The following C9orf72 variants were observed in gnomAD, a reference collection of about 807,000 sequenced individuals.
C9orf72 encodes the protein guanine nucleotide exchange factor C9orf72.
In C9orf72, 44 loss-of-function variants were observed where a neutral mutation model predicts 51.6. The observed-to-expected ratio is 0.85, with a 90% confidence interval of 0.67 to 1.10. The LOEUF is 1.10. C9orf72 is among the 50% of genes least tolerant of loss of function. The probability of loss-of-function intolerance (pLI) is 0.00; values close to 1 mark genes in which losing one functional copy is unlikely to be tolerated. For synonymous variants in C9orf72, 213 were observed against 194.2 expected, an observed-to-expected ratio of 1.10 and a Z score of -0.81; for missense variants, 607 against 570.6, an observed-to-expected ratio of 1.06 and a Z score of -0.65.
At chr9:27,558,827 T>G (rs529118071) in intron 6 of C9orf72, 1 of 422,404 alleles carries the variant, frequency 2.4e-6, no homozygotes, top group African/African-American at 2.1e-5. Context: ...ATTTACTGTA[T>G]GGCATCTCAA....
intron 6 of C9orf72, chr9:27,559,179 C>G (rs1819279481): frequency 6.6e-6 from 1 of 151,378 alleles, no homozygotes; most frequent in Non-Finnish European, 1.5e-5. Context: ...GGTTTTCAAC[C>G]TAGAGTGGTG....
At chr9:27,549,126 G>C (rs560239231) in intron 9 of C9orf72, among the ~76,000 whole-genome samples, 1 of 152,328 alleles carries the variant, frequency 6.6e-6, no homozygotes, top group African/African-American at 2.4e-5. Context: ...ACAGGCATAA[G>C]CCACCAGGCC....
chr9:27,550,170 T>C (rs10120735), intron 9 of C9orf72, among the ~76,000 whole-genome samples: 6,764 of 150,674 alleles, frequency 0.045, 310 homozygotes, highest in African/African-American at 0.12. Flanking sequence ...TATGTATATA[T>C]GCTCGTACTA....
At chr9:27,563,529 G>A (rs1819398920) in intron 3 of C9orf72, among the ~76,000 whole-genome samples, 1 of 152,052 alleles carries the variant, frequency 6.6e-6, no homozygotes, top group South Asian at 2.1e-4. Flanking sequence ...AATACTAGTT[G>A]TTTTTCCTCA....
At chr9:27,558,470 T>A (rs747230783) in intron 7 of C9orf72, 21 bp downstream of exon 7, 1 of 1,313,550 alleles carries the variant, frequency 7.6e-7, no homozygotes, top group Non-Finnish European at 1.1e-6. Context: ...TGGTTTCACT[T>A]GTGATAACTA....
At chr9:27,562,584 T>C in intron 3 of C9orf72, 108 bp from the exon 4 acceptor site, 1 of 496,520 alleles carries the variant, frequency 2.0e-6, no homozygotes. Flanking sequence ...ATGAAAATAC[T>C]TCGTAATTTG....
intron 1 of C9orf72, among the ~76,000 whole-genome samples, chr9:27,572,449 T>C (rs1281807832): frequency 6.7e-6 from 1 of 149,390 alleles, no homozygotes; most frequent in Non-Finnish European, 1.5e-5. Flanking sequence ...AGAAAAATCA[T>C]ATCTTAACAG....
chr9:27,559,301 G>A (rs1329733333), intron 6 of C9orf72: 1 of 150,822 alleles, frequency 6.6e-6, no homozygotes, highest in Non-Finnish European at 1.5e-5. Context: ...CAACTATGGA[G>A]CCTTTCTCCC....
At chr9:27,564,208 C>G (rs1229952131) in intron 3 of C9orf72, among the ~76,000 whole-genome samples, 1 of 147,050 alleles carries the variant, frequency 6.8e-6, no homozygotes, top group Non-Finnish European at 1.5e-5. Context: ...AGAAGAGGCT[C>G]TAAAAGAAAA....
At position 27,565,608 on chromosome 9, in the gene C9orf72, T is replaced by A; in HGVS notation, c.445-18A>T. 1.3e-6 allele frequency: 2 copies of A among 1,545,458 alleles called. No individual in the cohort carries two copies. Among genetic ancestry groups the A allele is most frequent in the African/African-American group, 1.4e-5 (1 of 73,552 alleles). On this transcript the variant is annotated intron_variant, in intron 2 of 10. Transcript: ENST00000380003. ...TGTCTTTCCTGAGCAAGAGAAAATT[T>A]ATTTAAAAAAACAACCCACAACATT...
At chr9:27,571,866 T>C (rs1180898828) in intron 1 of C9orf72, among the ~76,000 whole-genome samples, 1 of 152,222 alleles carries the variant, frequency 6.6e-6, no homozygotes, top group Non-Finnish European at 1.5e-5. Flanking sequence ...TCAAGGACAG[T>C]GAACTGTTTA....
intron 3 of C9orf72, among the ~76,000 whole-genome samples, chr9:27,563,517 T>G (rs1297264071): frequency 1.3e-5 from 2 of 152,204 alleles, no homozygotes; most frequent in Non-Finnish European, 2.9e-5. Context: ...TAAGATGAAT[T>G]TAATACTAGT....
At chr9:27,555,538 T>C (rs1246070869) in intron 8 of C9orf72, among the ~76,000 whole-genome samples, 1 of 150,776 alleles carries the variant, frequency 6.6e-6, no homozygotes, top group Non-Finnish European at 1.5e-5. Context: ...ACCTTCTATG[T>C]GCCAGGCATT....
At chr9:27,572,970 G>A (rs1256147493) in intron 1 of C9orf72, among the ~76,000 whole-genome samples, 1 of 152,146 alleles carries the variant, frequency 6.6e-6, no homozygotes, top group Non-Finnish European at 1.5e-5. Flanking sequence ...ATCTCATCCC[G>A]CATGATCTCC....
At chr9:27,560,422 G>T in intron 5 of C9orf72, 123 bp from the exon 6 acceptor site, 1 of 691,612 alleles carries the variant, frequency 1.4e-6, no homozygotes, top group Non-Finnish European at 2.3e-6. Context: ...AAACACCGAA[G>T]CTATAAGCAC....
At position 27,547,603 on chromosome 9, in the gene C9orf72, G is replaced by C. The variant is rs1043677102; in HGVS notation, c.*633C>G. The C allele has an allele frequency of 6.6e-6, 1 of 152,564 alleles. No individual in the cohort carries two copies. Among genetic ancestry groups the C allele is most frequent in the African/African-American group, 2.4e-5 (1 of 41,454 alleles). The allele number at this position is 152,564 out of a possible 1,614,324, so 9.5% of individuals were successfully genotyped here. On this transcript the variant is annotated 3_prime_UTR_variant, in exon 11 of 11. Transcript: ENST00000380003. ...AAATAAACAAAACACCCTAACTGTG[G>C]TTCACCAGGAACAAGGACTATAGAG...
chr9:27,560,631 G>A (rs1819320424), intron 5 of C9orf72: 3 of 1,013,572 alleles, frequency 3.0e-6, no homozygotes, highest in South Asian at 3.8e-5. Context: ...AGTCAAATGG[G>A]ATTTAAAATG....
chr9:27,563,980 T>C lies in C9orf72; in HGVS notation c.505-1504A>G, dbSNP rs1014862179. Reference sequence around the variant, plus strand: ...CATCCCCAAACAGTATTGTTCAAAATAAAGTCGTTGTGAGATTTGCAAGAA... The same window carrying C: ...CATCCCCAAACAGTATTGTTCAAAACAAAGTCGTTGTGAGATTTGCAAGAA... On this transcript the variant is annotated intron_variant, in intron 3 of 10. Transcript: ENST00000380003. Among the ~76,000 whole-genome samples the C allele has an allele frequency of 4.6e-5, 7 of 152,156 alleles. No individual in the cohort carries two copies. The South Asian group carries it at 1.0e-3, about 23-fold the overall frequency.
rs1820787355 is a variant in C9orf72 at position 27,547,274 on chromosome 9, T to G, written c.*962A>C. 6.6e-6 allele frequency: 1 copy of G among 152,652 alleles called. No individual in the cohort carries two copies. Among genetic ancestry groups the G allele is most frequent in the South Asian group, 2.1e-4 (1 of 4,838 alleles). The allele number at this position is 152,652 out of a possible 1,614,324, so 9.5% of individuals were successfully genotyped here. ...TTTTCTGTTTCTGAAAAAAAGATCT[T>G]ATTAGTTAGTATATTCTCTAAGGCA... On this transcript the variant is annotated 3_prime_UTR_variant, in exon 11 of 11. Coordinates refer to ENST00000380003, the MANE Select transcript of C9orf72 (RefSeq NM_018325.5).
Sources: allele counts gnomAD v4.1 joint callset (sites outside exome capture counted in the v4.1 genomes callset), GRCh38; gene constraint gnomAD v4.1.1; transcripts MANE v1.5; gene names NCBI Gene and HGNC (gene_info 2026-07-23, HGNC 2026-07-21).